ANKRD10: variants seen among roughly 807,000 people sequenced by gnomAD.
ANKRD10 encodes ankyrin repeat domain 10, also known as ankyrin repeat domain-containing protein 10.
ANKRD10 carries 14 observed loss-of-function variants against 27.0 expected under a neutral mutation model. That is an observed-to-expected ratio of 0.52 (90% CI 0.34 to 0.81). The LOEUF (loss-of-function observed/expected upper bound fraction) is 0.81. ANKRD10 is among the 40% of genes least tolerant of loss of function. The pLI is 0.01. For synonymous variants in ANKRD10, 250 were observed against 224.5 expected (o/e 1.11, Z -1.01); for missense variants, 493 against 544.0 (o/e 0.91, Z 0.93).
chr13:110,883,562 C>G (rs1286235801), intron 5 of ANKRD10, 136 bp downstream of exon 5: 14 of 1,408,578 alleles, frequency 9.9e-6, no homozygotes, highest in Non-Finnish European at 1.2e-5. Context: ...CTGATTCCTG[C>G]AACGACAGGG....
chr13:110,903,933 T>C (rs750979641), intron 3 of ANKRD10: 20 of 152,214 alleles, frequency 1.3e-4, no homozygotes, highest in Non-Finnish European at 2.8e-4. Flanking sequence ...TGAGCAGCGT[T>C]ACAGGGAATA....
chr13:110,911,600 T>TGG (rs1046155181), intron 1 of ANKRD10: 1 of 152,006 alleles, frequency 6.6e-6, no homozygotes, highest in African/African-American at 2.4e-5. Context: ...AACCCCATAC[T>TGG]GGGGTTTCAA....
intron 1 of ANKRD10, 155 bp downstream of exon 1, chr13:110,914,570 A>T (rs867987610): frequency 3.7e-6 from 4 of 1,070,716 alleles, no homozygotes; most frequent in South Asian, 3.8e-5. Context: ...GCGCTGCCGC[A>T]CAGGCGCCCT....
At chr13:110,899,124 CCATAGGCA>C (rs1270699399) in intron 3 of ANKRD10, 2 of 152,134 alleles carry the variant, frequency 1.3e-5, no homozygotes, top group Non-Finnish European at 2.9e-5. Context: ...TATTACATGA[CCATAGGCA>C]CTAACTGCTG....
intron 3 of ANKRD10, among the ~76,000 whole-genome samples, chr13:110,896,108 G>C (rs2065220251): frequency 6.6e-6 from 1 of 152,224 alleles, no homozygotes; most frequent in African/African-American, 2.4e-5. Context: ...TGGGGCACTA[G>C]AAGGCAGACA....
chr13:110,889,378 T>C (rs888796242), intron 4 of ANKRD10, among the ~76,000 whole-genome samples: 1 of 152,210 alleles, frequency 6.6e-6, no homozygotes, highest in Non-Finnish European at 1.5e-5. Flanking sequence ...AACAGACTGC[T>C]TAAGTAACTG....
chr13:110,897,930 T>C (rs776404216), intron 3 of ANKRD10, among the ~76,000 whole-genome samples: 10 of 152,246 alleles, frequency 6.6e-5, no homozygotes, highest in African/African-American at 2.4e-4. Context: ...TGATTCTCTT[T>C]AGAACGAATA....
At chr13:110,909,757 C>T (rs1490294550) in intron 2 of ANKRD10, among the ~76,000 whole-genome samples, 1 of 152,176 alleles carries the variant, frequency 6.6e-6, no homozygotes, top group African/African-American at 2.4e-5. Context: ...TAGCAACAAC[C>T]TTATGCCTGG....
intron 5 of ANKRD10, among the ~76,000 whole-genome samples, chr13:110,880,444 AC>A (rs2064792804): frequency 6.6e-6 from 1 of 152,362 alleles, no homozygotes; most frequent in South Asian, 2.1e-4. Context: ...TTTTAAGACT[AC>A]TTTCGAGAGC....
chr13:110,892,436 A>AAT (rs1555321016), intron 4 of ANKRD10, among the ~76,000 whole-genome samples: 6 of 144,468 alleles, frequency 4.2e-5, no homozygotes, highest in Non-Finnish European at 9.2e-5. Flanking sequence ...AAAAAAAAAA[A>AAT]TGGTGGGAGA....
intron 2 of ANKRD10, among the ~76,000 whole-genome samples, chr13:110,909,797 A>G (rs564142496): frequency 2.6e-5 from 4 of 152,240 alleles, no homozygotes; most frequent in Admixed American, 6.5e-5. Flanking sequence ...CTTGGGAAAG[A>G]AAAGTAGAAA....
At chr13:110,914,662 C>T in intron 1 of ANKRD10, 63 bp downstream of exon 1, 2 of 1,505,786 alleles carry the variant, frequency 1.3e-6, no homozygotes, top group Non-Finnish European at 1.8e-6. Context: ...CACCTCAGAC[C>T]CGCTTTCCCC....
intron 2 of ANKRD10, 74 bp downstream of exon 2, chr13:110,910,544 A>G: frequency 6.4e-7 from 1 of 1,555,300 alleles, no homozygotes; most frequent in Non-Finnish European, 8.7e-7. Flanking sequence ...CTCGATTTAA[A>G]GCAATACCGT....
At chr13:110,897,096 A>C (rs2065246237) in intron 3 of ANKRD10, among the ~76,000 whole-genome samples, 1 of 152,084 alleles carries the variant, frequency 6.6e-6, no homozygotes, top group African/African-American at 2.4e-5. Context: ...CTACAGTGCA[A>C]GGTAACACTA....
chr13:110,913,868 A>T (rs886310058), intron 1 of ANKRD10, among the ~76,000 whole-genome samples: 6 of 152,180 alleles, frequency 3.9e-5, no homozygotes, highest in African/African-American at 1.4e-4. Flanking sequence ...GAGAGCAAGT[A>T]CCCCAACGAC....
chr13:110,906,152 CATACTT>C (rs767722794), intron 2 of ANKRD10, 28 bp from the exon 3 acceptor site: 149 of 1,537,470 alleles, frequency 9.7e-5, no homozygotes, highest in Non-Finnish European at 1.3e-4. Context: ...AAAATATACA[CATACTT>C]AGAACAAAAC....
rs565243046 is a variant in ANKRD10, at chr13:110,911,192, G to A, written c.211-422C>T. 8.5e-5 allele frequency among the ~76,000 whole-genome samples: 13 copies of A among 152,322 alleles called. No homozygotes were observed. In the South Asian group the frequency reaches 1.9e-3, roughly 22 times the overall value. ...AGGCCGGGCGCAGTGGCTCATGCCT[G>A]TAATCCTAGCACTTTGGGAGGCCAA... On this transcript the variant is annotated intron_variant, in intron 1 of 5. Transcript: ENST00000267339.
chr13:110,913,991 G>A (rs1435619389), intron 1 of ANKRD10, among the ~76,000 whole-genome samples: 1 of 152,212 alleles, frequency 6.6e-6, no homozygotes, highest in Non-Finnish European at 1.5e-5. Context: ...GCCTCCACGG[G>A]AAGAGAATTC....
Position 110,878,565 on chromosome 13 carries a change from T to G in ANKRD10, c.*1072A>C, listed in dbSNP as rs1276349326. ...TGAGTGTGAGAGTTTTTTATTCAATTTGTGAAGGACAGTTTTAGAACAAAA... is the reference window on the plus strand; with the variant it reads ...TGAGTGTGAGAGTTTTTTATTCAATGTGTGAAGGACAGTTTTAGAACAAAA... On this transcript the variant is annotated 3_prime_UTR_variant, in exon 6 of 6. Transcript: ENST00000267339. The G allele has an allele frequency of 6.6e-6, 1 of 152,254 alleles. No individual in the cohort carries two copies. Among genetic ancestry groups the G allele is most frequent in the African/African-American group, 2.4e-5 (1 of 41,456 alleles). 9.4% of individuals were successfully genotyped at this position (152,254 alleles called of 1,614,324 possible).
Sources: allele counts gnomAD v4.1 joint callset (sites outside exome capture counted in the v4.1 genomes callset), GRCh38; gene constraint gnomAD v4.1.1; transcripts MANE v1.5; gene names NCBI Gene and HGNC (gene_info 2026-07-23, HGNC 2026-07-21).